The following DGKG variants were observed in gnomAD, a reference collection of about 807,000 sequenced individuals.
DGKG encodes DAG kinase gamma.
Under a neutral mutation model 105.3 loss-of-function variants are expected in DGKG, and 78 were observed. The observed-to-expected ratio is 0.74, with a 90% CI of 0.62 to 0.89. The LOEUF (loss-of-function observed/expected upper bound fraction) is 0.89. DGKG is among the 40% of genes least tolerant of loss of function. The pLI, the probability that DGKG is intolerant of heterozygous loss-of-function variation, is 0.00. For missense variants in DGKG, 958 were observed against 1,020.1 expected (o/e 0.94, Z 0.83); for synonymous variants, 346 against 367.1 (o/e 0.94, Z 0.66).
At position 186,223,857 on chromosome 3, in the gene DGKG, T is replaced by A. The variant is rs921255934; in HGVS notation, c.1827-11972A>T. On this transcript the variant is annotated intron_variant, in intron 20 of 24. Coordinates refer to ENST00000265022, the MANE Select transcript of DGKG (RefSeq NM_001346.3). ...CTCACCTGGCCTGGTGGTGCAGCTG[T>A]GTGTCCTGCCCCACCATGTCTCTGA... Among the ~76,000 whole-genome samples, 4 of 152,198 alleles carry A rather than the reference T, an allele frequency of 2.6e-5. No homozygotes were observed. The East Asian group carries it at 7.7e-4, about 29-fold the overall frequency.
chr3:186,230,540 G>A (rs897250911), intron 20 of DGKG, among the ~76,000 whole-genome samples: 2 of 152,120 alleles, frequency 1.3e-5, no homozygotes, highest in African/African-American at 2.4e-5. Context: ...TATAAAGGGC[G>A]CTAAATGCAA....
intron 22 of DGKG, among the ~76,000 whole-genome samples, chr3:186,166,871 T>C (rs1366484379): frequency 6.6e-6 from 1 of 152,190 alleles, no homozygotes; most frequent in Non-Finnish European, 1.5e-5. Flanking sequence ...TGTCTGATGG[T>C]GCTGTGATAG....
At chr3:186,154,780 A>C (rs890508641) in intron 24 of DGKG, among the ~76,000 whole-genome samples, 2 of 152,156 alleles carry the variant, frequency 1.3e-5, no homozygotes, top group Non-Finnish European at 2.9e-5. Context: ...TTAGTTCTCA[A>C]AGTGTGGCTC....
Position 186,150,126 on chromosome 3 carries a change from G to A in DGKG, c.2340C>T (p.Phe780=). Residue 780 remains phenylalanine, a synonymous_variant, in exon 25 of 25, where the codon TTC becomes TTT. Transcript: ENST00000265022. The stretch of plus-strand genomic sequence containing the variant: ...AACGGCTCTTCCTTCTCAACGAGAA[G>A]AAGCTGCTCTTCTGGGGAGGCCCCA... ...MMMGPPQKSS[F]FSLRRKSRSK... is the part of the protein sequence containing the mutation. The A allele has an allele frequency of 3.1e-6, 5 of 1,613,826 alleles. No homozygotes were observed. The highest frequency in any genetic ancestry group is 4.2e-6 in the Non-Finnish European group (5 of 1,179,898).
intron 1 of DGKG, among the ~76,000 whole-genome samples, chr3:186,335,133 G>A (rs938843968): frequency 9.9e-5 from 15 of 152,044 alleles, no homozygotes; most frequent in African/African-American, 1.4e-4. Context: ...GTGCAGTGGC[G>A]CGATCTCAGC....
intron 1 of DGKG, among the ~76,000 whole-genome samples, chr3:186,337,028 C>A (rs1251352283): frequency 6.6e-6 from 1 of 152,134 alleles, no homozygotes; most frequent in African/African-American, 2.4e-5. Flanking sequence ...CTGGCCCAGA[C>A]AATATTACAG....
intron 23 of DGKG, among the ~76,000 whole-genome samples, chr3:186,164,093 C>T (rs1716424087): frequency 6.6e-6 from 1 of 152,144 alleles, no homozygotes. Flanking sequence ...GCTCTGATGA[C>T]ACTTGCCCAG....
At chr3:186,285,963 G>A (rs1723049655) in intron 6 of DGKG, among the ~76,000 whole-genome samples, 1 of 152,210 alleles carries the variant, frequency 6.6e-6, no homozygotes, top group African/African-American at 2.4e-5. Flanking sequence ...ACAGGCGTGA[G>A]CCTCTGCGCT....
intron 21 of DGKG, among the ~76,000 whole-genome samples, chr3:186,208,827 C>A (rs1718876824): frequency 6.6e-6 from 1 of 152,218 alleles, no homozygotes; most frequent in Admixed American, 6.5e-5. Context: ...GAAGACTTTA[C>A]TGCTTCTAGC....
At chr3:186,220,389 C>T (rs562527728) in intron 20 of DGKG, among the ~76,000 whole-genome samples, 3 of 152,246 alleles carry the variant, frequency 2.0e-5, no homozygotes, top group Admixed American at 6.5e-5. Context: ...CTTAGGAAAC[C>T]GAGATCAGTT....
At chr3:186,260,388 A>G (rs777646762) in intron 16 of DGKG, 51 bp downstream of exon 16, 1 of 1,322,836 alleles carries the variant, frequency 7.6e-7, no homozygotes. Context: ...TCTTCATTGG[A>G]GTTTAAAAGG....
At chr3:186,267,599 G>C in intron 13 of DGKG, 86 bp downstream of exon 13, 1 of 1,001,610 alleles carries the variant, frequency 1.0e-6, no homozygotes, top group Non-Finnish European at 1.6e-6. Flanking sequence ...GGAAGCCCTG[G>C]GAAGGATGTG....
At chr3:186,271,233 G>A (rs9942008) in intron 11 of DGKG, among the ~76,000 whole-genome samples, 124,418 of 152,104 alleles carry the variant, frequency 0.82, 51,126 homozygotes, top group African/African-American at 0.9. Flanking sequence ...GGAGAATGGC[G>A]TCACCCAATG....
In DGKG at chr3:186,211,772, C is replaced by A. The variant is rs368357864; in HGVS notation, c.1917+23G>T. ...GGAGCAGAACCAAGATCCAGGAAGC[C>A]TTCTCCCCACTTGGGAACTTACCTC... On this transcript the variant is annotated intron_variant, in intron 21 of 24. Coordinates refer to ENST00000265022, the MANE Select transcript of DGKG (RefSeq NM_001346.3). 117 of 1,589,236 alleles carry A rather than the reference C, an allele frequency of 7.4e-5. No individual in the cohort carries two copies. The African/African-American group carries it at 1.2e-3, about 16-fold the overall frequency.
chr3:186,175,894 T>G (rs1304074309), intron 22 of DGKG, among the ~76,000 whole-genome samples: 2 of 152,222 alleles, frequency 1.3e-5, no homozygotes, highest in Non-Finnish European at 2.9e-5. Context: ...TAAAAACTAC[T>G]ATCCCAACTT....
chr3:186,186,096 CAAA>C (rs3049465), intron 22 of DGKG, among the ~76,000 whole-genome samples: 1 of 75,270 alleles, frequency 1.3e-5, no homozygotes. Flanking sequence ...GACTCTGCCT[CAAA>C]AAAAAAAAAA....
chr3:186,172,306 A>G (rs919322365), intron 22 of DGKG, among the ~76,000 whole-genome samples: 1 of 151,932 alleles, frequency 6.6e-6, no homozygotes, highest in Non-Finnish European at 1.5e-5. Flanking sequence ...TCCCACCCCC[A>G]CTCCACTTCC....
intron 3 of DGKG, 49 bp downstream of exon 3, chr3:186,306,852 G>A (rs1364978520): frequency 7.7e-7 from 1 of 1,301,304 alleles, no homozygotes; most frequent in Non-Finnish European, 1.1e-6. Context: ...TTATGGAAAG[G>A]CTAAAAAACA....
At chr3:186,337,506 A>C (rs1348729400) in intron 1 of DGKG, among the ~76,000 whole-genome samples, 1 of 152,162 alleles carries the variant, frequency 6.6e-6, no homozygotes, top group Non-Finnish European at 1.5e-5. Context: ...TCCCACAGCA[A>C]ACTTCATATT....
Sources: allele counts gnomAD v4.1 joint callset (sites outside exome capture counted in the v4.1 genomes callset), GRCh38; gene constraint gnomAD v4.1.1; transcripts MANE v1.5; gene names NCBI Gene and HGNC (gene_info 2026-07-23, HGNC 2026-07-21).